The following TAS2R13 variants were observed in gnomAD, a reference collection of about 807,000 sequenced individuals.
TAS2R13 encodes taste 2 receptor member 13, also known as taste receptor type 2 member 13.
For missense variants in TAS2R13, 384 were observed against 347.5 expected (o/e 1.11, Z -0.84); for synonymous variants, 129 against 125.5 (o/e 1.03, Z -0.19).
chr12:10,909,527 C>T lies in TAS2R13; in HGVS notation c.-229G>A. 1 of 463,510 alleles carries T rather than the reference C, an allele frequency of 2.2e-6. No individual in the cohort carries two copies. Among genetic ancestry groups the T allele is most frequent in the Non-Finnish European group, 3.9e-6 (1 of 257,720 alleles). 28.7% of individuals were successfully genotyped at this position (463,510 alleles called of 1,614,324 possible). ...TTTTTCTTCAATTTCTCTGCTGAGCCCTAGCTAAGATATTTATGTCTTCAC... is the reference window on the plus strand; with the variant it reads ...TTTTTCTTCAATTTCTCTGCTGAGCTCTAGCTAAGATATTTATGTCTTCAC... On this transcript the variant is annotated 5_prime_UTR_variant, in exon 1 of 1. Transcript: ENST00000390677.
Position 10,909,504 on chromosome 12 carries a change from T to C in TAS2R13, c.-206A>G, listed in dbSNP as rs1565465153. On this transcript the variant is annotated 5_prime_UTR_variant, in exon 1 of 1. Coordinates refer to ENST00000390677, the MANE Select transcript of TAS2R13 (RefSeq NM_023920.2). ...TAACTGTTCTGGTGATATCTTTATT[T>C]TTCTTCAATTTCTCTGCTGAGCCCT... is the stretch of plus-strand genomic sequence containing the variant. 2.0e-6 allele frequency: 1 copy of C among 488,688 alleles called. No individual in the cohort carries two copies. The highest frequency in any genetic ancestry group is 2.0e-5 in the African/African-American group (1 of 50,724). 30.3% of individuals were successfully genotyped at this position (488,688 alleles called of 1,614,324 possible).
At position 10,908,324 on chromosome 12, in the gene TAS2R13, C is replaced by T; in HGVS notation, c.*63G>A. 1 of 1,454,120 alleles carries T rather than the reference C, an allele frequency of 6.9e-7. No individual in the cohort carries two copies. Among genetic ancestry groups the T allele is most frequent in the South Asian group, 1.3e-5 (1 of 74,474 alleles). The allele number at this position is 1,454,120 out of a possible 1,614,324, so 90.1% of individuals were successfully genotyped here. A position where few individuals can be genotyped will look rare whatever the true frequency, so the allele number is the denominator to read the frequency against. ...ATATCTTTTAAACTCCTTGTAGACT[C>T]CTGTTTCTGTCTGCAATATTCAATA... On this transcript the variant is annotated 3_prime_UTR_variant, in exon 1 of 1. Transcript: ENST00000390677.
At position 10,909,331 on chromosome 12, in the gene TAS2R13, A is replaced by T; in HGVS notation, c.-33T>A. On this transcript the variant is annotated 5_prime_UTR_variant, in exon 1 of 1. Coordinates refer to ENST00000390677, the MANE Select transcript of TAS2R13 (RefSeq NM_023920.2). ...CAGAGAAAGTTCAATGTCTAATGTCACTGCTGGTTATTCACTGATCTAAAA... is the reference window on the plus strand; with the variant it reads ...CAGAGAAAGTTCAATGTCTAATGTCTCTGCTGGTTATTCACTGATCTAAAA... The T allele has an allele frequency of 6.8e-7, 1 of 1,468,770 alleles. No homozygotes were observed. The highest frequency in any genetic ancestry group is 2.3e-5 in the East Asian group (1 of 43,860). The allele number at this position is 1,468,770 out of a possible 1,614,324, so 91.0% of individuals were successfully genotyped here. A position where few individuals can be genotyped will look rare whatever the true frequency, so the allele number is the denominator to read the frequency against.
chr12:10,909,415 C>T lies in TAS2R13; in HGVS notation c.-117G>A. ...CTTCTTCCTTCTCCTTTTTCTGCTC[C>T]TTCTTTCATTGTTGGCTCAACGTCA... On this transcript the variant is annotated 5_prime_UTR_variant, in exon 1 of 1. Coordinates refer to ENST00000390677, the MANE Select transcript of TAS2R13 (RefSeq NM_023920.2). 1 of 699,330 alleles carries T rather than the reference C, an allele frequency of 1.4e-6. No homozygotes were observed. Among genetic ancestry groups the T allele is most frequent in the Non-Finnish European group, 2.4e-6 (1 of 417,606 alleles). 43.3% of individuals were successfully genotyped at this position (699,330 alleles called of 1,614,324 possible).
rs747009314 is a variant in TAS2R13, at chr12:10,908,645, T to C, written c.654A>G (p.Gly218=). ...HLQKMQLNYK[G]HRDPRTKVHT... ...GGACCTTGGTCCTGGGGTCTCTGTG[T>C]CCTTTGTAATTGAGTTGCATTTTCT... The change falls in exon 1 of 1, where the codon GGA becomes GGG. Residue 218 remains glycine, a synonymous_variant. Transcript: ENST00000390677. The C allele has an allele frequency of 1.2e-6, 2 of 1,614,016 alleles. No individual in the cohort carries two copies. Among genetic ancestry groups the C allele is most frequent in the Non-Finnish European group, 1.7e-6 (2 of 1,179,958 alleles).
In TAS2R13 at chr12:10,908,535, T is replaced by A; in HGVS notation, c.764A>T (p.Glu255Val). Residue 255 changes from glutamate to valine, a missense_variant, in exon 1 of 1, where the codon GAG becomes GTG. Glu to Val is a moderately radical substitution (Grantham distance 121). Coordinates refer to ENST00000390677, the MANE Select transcript of TAS2R13 (RefSeq NM_023920.2). ...FLCVLISWIS[E>V]LYQNTVIYML... is the part of the protein sequence containing the mutation. ...GTAGATCACTGTGTTCTGATACAGC[T>A]CAGAAATCCATGATATGAGAACACA... 1.9e-6 allele frequency: 3 copies of A among 1,613,884 alleles called. No individual in the cohort carries two copies. The highest frequency in any genetic ancestry group is 2.5e-6 in the Non-Finnish European group (3 of 1,179,942).
chr12:10,909,327 T>C lies in TAS2R13; in HGVS notation c.-29A>G, dbSNP rs756530072. The C allele has an allele frequency of 6.7e-7, 1 of 1,498,862 alleles. No homozygotes were observed. The highest frequency in any genetic ancestry group is 9.2e-7 in the Non-Finnish European group (1 of 1,083,312). The allele number at this position is 1,498,862 out of a possible 1,614,324, so 92.8% of individuals were successfully genotyped here. A position where few individuals can be genotyped will look rare whatever the true frequency, so the allele number is the denominator to read the frequency against. On this transcript the variant is annotated 5_prime_UTR_variant, in exon 1 of 1. Coordinates refer to ENST00000390677, the MANE Select transcript of TAS2R13 (RefSeq NM_023920.2). ...AGAACAGAGAAAGTTCAATGTCTAA[T>C]GTCACTGCTGGTTATTCACTGATCT... is the stretch of plus-strand genomic sequence containing the variant.
Position 10,908,352 on chromosome 12 carries a change from C to A in TAS2R13, c.*35G>T, listed in dbSNP as rs1949836121. ...GTTTCTGTCTGCAATATTCAATAAT[C>A]TGTGGTCTGAATGGCTTATGAAATT... On this transcript the variant is annotated 3_prime_UTR_variant, in exon 1 of 1. Transcript: ENST00000390677. 3 of 1,566,716 alleles carry A rather than the reference C, an allele frequency of 1.9e-6. No homozygotes were observed. The highest frequency in any genetic ancestry group is 1.9e-5 in the Admixed American group (1 of 52,776).
In TAS2R13 at chr12:10,908,804, C is replaced by G. The variant is rs1331196315; in HGVS notation, c.495G>C (p.Trp165Cys). The G allele has an allele frequency of 6.2e-7, 1 of 1,613,794 alleles. No individual in the cohort carries two copies. Among genetic ancestry groups the G allele is most frequent in the Non-Finnish European group, 8.5e-7 (1 of 1,179,952 alleles). ...TTTCAAAGTCACTCATACTGAAATT[C>G]CAAGTTGTGTTTCTTTCATATCGGT... is the stretch of plus-strand genomic sequence containing the variant. Reference protein sequence around the residue: ...WLDRYERNTTWNFSMSDFETF... With the variant: ...WLDRYERNTTCNFSMSDFETF... The change falls in exon 1 of 1, where the codon TGG (tryptophan) becomes TGC (cysteine). Residue 165 changes from tryptophan to cysteine, a missense_variant. Transcript: ENST00000390677.
chr12:10,908,622 ACCTTGGTCCTGGGGT>A lies in TAS2R13; in HGVS notation c.662_676del (p.Asp221_Lys225del). The A allele has an allele frequency of 6.2e-7, 1 of 1,614,052 alleles. No homozygotes were observed. The highest frequency in any genetic ancestry group is 2.2e-5 in the East Asian group (1 of 44,868). On this transcript the variant is annotated inframe_deletion, in exon 1 of 1. Coordinates refer to ENST00000390677, the MANE Select transcript of TAS2R13 (RefSeq NM_023920.2). ...CACAATTTTCAAGGCATTTGTATGG[ACCTTGGTCCTGGGGT>A]CTCTGTGTCCTTTGTAATTGAGTTG...
At position 10,907,955 on chromosome 12, in the gene TAS2R13, C is replaced by A; in HGVS notation, c.*432G>T. The A allele has an allele frequency of 6.3e-6, 1 of 159,290 alleles. No individual in the cohort carries two copies. The highest frequency in any genetic ancestry group is 1.4e-5 in the Non-Finnish European group (1 of 73,170). 9.9% of individuals were successfully genotyped at this position (159,290 alleles called of 1,614,324 possible). A position where few individuals can be genotyped will look rare whatever the true frequency, so the allele number is the denominator to read the frequency against. ...AGTCCAAACTTCCCTAATTCTATTC[C>A]AAATAACTGTTCTAATTATCTGTAG... On this transcript the variant is annotated 3_prime_UTR_variant, in exon 1 of 1. Transcript: ENST00000390677.
Position 10,908,753 on chromosome 12 carries a change from A to G in TAS2R13, c.546T>C (p.Thr182=). The G allele has an allele frequency of 6.2e-7, 1 of 1,613,992 alleles. No homozygotes were observed. Among genetic ancestry groups the G allele is most frequent in the Non-Finnish European group, 8.5e-7 (1 of 1,179,918 alleles). ...FETFSVSVKF[T]MTMFSLTPFT... is the part of the protein sequence containing the mutation. ...ATGGTGTTAGACTGAACATAGTCAT[A>G]GTGAATTTGACCGACACTGAAAATG... Residue 182 remains threonine (T), a synonymous_variant, in exon 1 of 1, where the codon ACT becomes ACC. Transcript: ENST00000390677.
Position 10,908,351 on chromosome 12 carries a change from T to G in TAS2R13, c.*36A>C. 4.5e-6 allele frequency: 7 copies of G among 1,564,996 alleles called. No homozygotes were observed. The highest frequency in any genetic ancestry group is 6.1e-6 in the Non-Finnish European group (7 of 1,155,326). ...TGTTTCTGTCTGCAATATTCAATAATCTGTGGTCTGAATGGCTTATGAAAT... is the reference window on the plus strand; with the variant it reads ...TGTTTCTGTCTGCAATATTCAATAAGCTGTGGTCTGAATGGCTTATGAAAT... On this transcript the variant is annotated 3_prime_UTR_variant, in exon 1 of 1. Coordinates refer to ENST00000390677, the MANE Select transcript of TAS2R13 (RefSeq NM_023920.2).
rs775346254 is a variant in TAS2R13, at chr12:10,908,437, A to G, written c.862T>C (p.Leu288=). 10 of 1,613,718 alleles carry G rather than the reference A, an allele frequency of 6.2e-6. No homozygotes were observed. The African/African-American group carries it at 9.3e-5, about 15-fold the overall frequency. Residue 288 remains leucine (L), a synonymous_variant, in exon 1 of 1, where the codon TTA becomes CTA. Transcript: ENST00000390677. ...GCCACCAAAAGAAAGGCCTGTCTTAACTTAGCGTTTCCTAGAATCAGAAGA... is the reference window on the plus strand; with the variant it reads ...GCCACCAAAAGAAAGGCCTGTCTTAGCTTAGCGTTTCCTAGAATCAGAAGA... The part of the protein sequence containing the change: ...SFLLILGNAK[L]RQAFLLVAAK...
In TAS2R13 at chr12:10,909,364, C is replaced by A; in HGVS notation, c.-66G>T. ...TTATTCACTGATCTAAAATGCTATT[C>A]ACATCCTTGAGTGTCCAGTGGAGTT... is the stretch of plus-strand genomic sequence containing the variant. On this transcript the variant is annotated 5_prime_UTR_variant, in exon 1 of 1. The change creates a premature stop within an existing upstream ORF in the 5' untranslated region. Coordinates refer to ENST00000390677, the MANE Select transcript of TAS2R13 (RefSeq NM_023920.2). 1.7e-6 allele frequency: 2 copies of A among 1,177,050 alleles called. No homozygotes were observed. Among genetic ancestry groups the A allele is most frequent in the Non-Finnish European group, 2.5e-6 (2 of 814,194 alleles). 72.9% of individuals were successfully genotyped at this position (1,177,050 alleles called of 1,614,324 possible).
In TAS2R13 at chr12:10,909,203, G is replaced by A; in HGVS notation, c.96C>T (p.Cys32=). The A allele has an allele frequency of 6.2e-7, 1 of 1,613,430 alleles. No homozygotes were observed. Among genetic ancestry groups the A allele is most frequent in the Middle Eastern group, 1.6e-4 (1 of 6,062 alleles). Residue 32 remains cysteine, a synonymous_variant, in exon 1 of 1, where the codon TGC becomes TGT. Coordinates refer to ENST00000390677, the MANE Select transcript of TAS2R13 (RefSeq NM_023920.2). ...LSNGFIVLIN[C]IDWVSKRELS... ...GCTCTCTTTTACTGACCCAGTCAAT[G>A]CAGTTGATCAGTACTATAAATCCAT...
At position 10,908,419 on chromosome 12, in the gene TAS2R13, A is replaced by C; in HGVS notation, c.880T>G (p.Leu294Val). Residue 294 changes from leucine (L) to valine (V), a missense_variant, in exon 1 of 1, where the codon TTG becomes GTG. Transcript: ENST00000390677. ...TTAGCCCATACCTTAGCTGCCACCA[A>C]AAGAAAGGCCTGTCTTAACTTAGCG... The part of the protein sequence containing the change: ...GNAKLRQAFL[L>V]VAAKVWAKR The C allele has an allele frequency of 6.2e-7, 1 of 1,613,206 alleles. No homozygotes were observed. Among genetic ancestry groups the C allele is most frequent in the South Asian group, 1.1e-5 (1 of 90,936 alleles).
Position 10,909,178 on chromosome 12 carries a change from G to C in TAS2R13, c.121C>G (p.Leu41Val), listed in dbSNP as rs376152400. 1.6e-5 allele frequency: 26 copies of C among 1,613,786 alleles called. No homozygotes were observed. Among genetic ancestry groups the C allele is most frequent in the Non-Finnish European group, 2.2e-5 (26 of 1,179,964 alleles). ...NCIDWVSKRE[L>V]SSVDKLLIIL... is the part of the protein sequence containing the mutation. ...ATGAGGAGTTTATCGACTGAGGACA[G>C]CTCTCTTTTACTGACCCAGTCAATG... Residue 41 changes from leucine (L) to valine (V), a missense_variant, in exon 1 of 1, where the codon CTG becomes GTG. By Grantham distance (32) the Leu-to-Val change is conservative. Transcript: ENST00000390677.
Position 10,908,826 on chromosome 12 carries a change from C to G in TAS2R13, c.473G>C (p.Arg158Pro). Residue 158 changes from arginine (R) to proline (P), a missense_variant, in exon 1 of 1, where the codon CGA becomes CCA. Transcript: ENST00000390677. ...ATTCCAAGTTGTGTTTCTTTCATAT[C>G]GGTCCAGCCAGTCTTTTATATGCAT... is the stretch of plus-strand genomic sequence containing the variant. ...INMHIKDWLD[R>P]YERNTTWNFS... 4 of 1,613,742 alleles carry G rather than the reference C, an allele frequency of 2.5e-6. No homozygotes were observed. The highest frequency in any genetic ancestry group is 1.3e-5 in the African/African-American group (1 of 75,006).
Sources: allele counts gnomAD v4.1 joint callset, GRCh38; gene constraint gnomAD v4.1.1; transcripts MANE v1.5; gene names NCBI Gene and HGNC (gene_info 2026-07-23, HGNC 2026-07-21).